Variants in MCMDC2 observed in about 807,000 individuals in gnomAD.
The protein encoded by MCMDC2 is minichromosome maintenance domain-containing protein 2.
A neutral mutation model predicts 75.8 loss-of-function variants in MCMDC2; 54 were observed. That is an observed-to-expected ratio of 0.71 (90% confidence interval 0.57 to 0.89). MCMDC2 has a LOEUF of 0.89. Ranked by LOEUF, MCMDC2 falls within the 40% of genes least tolerant of loss-of-function variation. The pLI is 0.00. For missense variants in MCMDC2, 656 were observed against 780.4 expected, an observed-to-expected ratio of 0.84 and a Z score of 1.90; for synonymous variants, 249 against 274.6, an observed-to-expected ratio of 0.91 and a Z score of 0.92.
chr8:66,873,132 A>C (rs962922943), intron 1 of MCMDC2, among the ~76,000 whole-genome samples: 29 of 152,312 alleles, frequency 1.9e-4, no homozygotes, highest in East Asian at 9.6e-4. Flanking sequence ...AACTACTGAC[A>C]TATATTGTTT....
intron 14 of MCMDC2, among the ~76,000 whole-genome samples, chr8:66,914,295 A>AAG (rs1418008688): frequency 6.6e-6 from 1 of 151,676 alleles, no homozygotes; most frequent in East Asian, 1.9e-4. Flanking sequence ...AAAAAAAAAA[A>AAG]AAAAAAAAAC....
At chr8:66,885,572 C>T (rs570884301) in intron 9 of MCMDC2, among the ~76,000 whole-genome samples, 4 of 151,968 alleles carry the variant, frequency 2.6e-5, no homozygotes, top group African/African-American at 9.7e-5. Flanking sequence ...AACCTTTAGA[C>T]TTTTTAAATG....
At position 66,880,835 on chromosome 8, in the gene MCMDC2, T is replaced by G; in HGVS notation, c.710-14T>G. ...TAGTGAATATGTATTTTCTTCTGTCTTTAATAATTTTAGATGAATCAGTGA... is the reference window on the plus strand; with the variant it reads ...TAGTGAATATGTATTTTCTTCTGTCGTTAATAATTTTAGATGAATCAGTGA... On this transcript the variant is annotated splice_polypyrimidine_tract_variant and intron_variant, in intron 7 of 14. Coordinates refer to ENST00000422365, the MANE Select transcript of MCMDC2 (RefSeq NM_173518.5). 6.6e-7 allele frequency: 1 copy of G among 1,521,034 alleles called. No individual in the cohort carries two copies. Among genetic ancestry groups the G allele is most frequent in the Non-Finnish European group, 8.8e-7 (1 of 1,134,638 alleles). 94.2% of individuals were successfully genotyped at this position (1,521,034 alleles called of 1,614,324 possible).
At chr8:66,895,193 GTGT>G (rs999704972) in intron 10 of MCMDC2, among the ~76,000 whole-genome samples, 2 of 152,148 alleles carry the variant, frequency 1.3e-5, no homozygotes, top group Non-Finnish European at 2.9e-5. Context: ...TTGTTATACT[GTGT>G]TGTTTTTTAT....
chr8:66,914,793 G>A (rs60303565), intron 14 of MCMDC2, among the ~76,000 whole-genome samples: 2,786 of 152,274 alleles, frequency 0.018, 88 homozygotes, highest in African/African-American at 0.062. Flanking sequence ...ACTAGGTAGA[G>A]TCAGTAGAAA....
chr8:66,878,529 A>G (rs1033654632), intron 5 of MCMDC2, 45 bp from the exon 6 acceptor site: 15 of 1,524,652 alleles, frequency 9.8e-6, no homozygotes, highest in Non-Finnish European at 1.2e-5. Flanking sequence ...CAAAATAGAT[A>G]GCTAAATCTG....
rs1491301108 is a variant in MCMDC2 at position 66,921,952 on chromosome 8, CTT to C, written c.*2785_*2786del. The C allele has an allele frequency of 1.3e-5, 2 of 152,688 alleles. No homozygotes were observed. The highest frequency in any genetic ancestry group is 3.8e-4 in the East Asian group (2 of 5,204). The allele number at this position is 152,688 out of a possible 1,614,324, so 9.5% of individuals were successfully genotyped here. On this transcript the variant is annotated 3_prime_UTR_variant, in exon 15 of 15. Transcript: ENST00000422365. ...TTTAGAGTTGATTTAAAAGAAAACA[CTT>C]TATTGTTCAGCAATTAAAAGTTAGC... is the stretch of plus-strand genomic sequence containing the variant.
Position 66,877,530 on chromosome 8 carries a change from G to A in MCMDC2, c.467G>A (p.Cys156Tyr), listed in dbSNP as rs368544508. The A allele has an allele frequency of 2.3e-5, 36 of 1,597,256 alleles. No homozygotes were observed. The highest frequency in any genetic ancestry group is 2.8e-5 in the Non-Finnish European group (33 of 1,175,196). ...GARFLCSDEA[C>Y]PLSKGFQYIR... ...AGATTTCTTTGTTCAGATGAAGCAT[G>A]CCCTCTTTCAAAAGGTAAATGTTAA... Residue 156 changes from cysteine (C) to tyrosine (Y), a missense_variant, in exon 5 of 15, where the codon TGC (cysteine) becomes TAC (tyrosine). By Grantham distance (194) the Cys-to-Tyr change is radical. Transcript: ENST00000422365.
Position 66,919,756 on chromosome 8 carries a change from C to T in MCMDC2, c.*587C>T, listed in dbSNP as rs971891325. On this transcript the variant is annotated 3_prime_UTR_variant, in exon 15 of 15. Coordinates refer to ENST00000422365, the MANE Select transcript of MCMDC2 (RefSeq NM_173518.5). ...GGAAAAGCCTTGGAAGTTTTCCATA[C>T]GTATACGCTAGGTTAAATGAAAAAA... 5 of 152,114 alleles carry T rather than the reference C, an allele frequency of 3.3e-5. No individual in the cohort carries two copies. The highest frequency in any genetic ancestry group is 1.3e-4 in the Admixed American group (2 of 15,266). 9.4% of individuals were successfully genotyped at this position (152,114 alleles called of 1,614,324 possible). A position where few individuals can be genotyped will look rare whatever the true frequency, so the allele number is the denominator to read the frequency against.
Position 66,905,290 on chromosome 8 carries a change from C to T in MCMDC2, c.1834C>T (p.Leu612=). ...GAACAAAGTGCTTAAAGAAGATGTG[C>T]TGATTGCAGCCTTACTATTTGAAAC... ...LRNKVLKEDV[L]IAALLFETSL... The change falls in exon 14 of 15, where the codon CTG becomes TTG. Residue 612 remains leucine, a synonymous_variant. Coordinates refer to ENST00000422365, the MANE Select transcript of MCMDC2 (RefSeq NM_173518.5). 6.7e-7 allele frequency: 1 copy of T among 1,492,818 alleles called. No homozygotes were observed. Among genetic ancestry groups the T allele is most frequent in the Non-Finnish European group, 8.9e-7 (1 of 1,117,332 alleles). 92.5% of individuals were successfully genotyped at this position (1,492,818 alleles called of 1,614,324 possible).
intron 9 of MCMDC2, among the ~76,000 whole-genome samples, chr8:66,885,160 C>T (rs1487019882): frequency 2.0e-5 from 3 of 151,620 alleles, no homozygotes; most frequent in Non-Finnish European, 4.4e-5. Context: ...CGTGAAACCC[C>T]GTCTCTACTA....
chr8:66,882,368 CT>C (rs1181989691), intron 8 of MCMDC2, among the ~76,000 whole-genome samples: 1 of 151,022 alleles, frequency 6.6e-6, no homozygotes, highest in Non-Finnish European at 1.5e-5. Context: ...CTTTTTTTTT[CT>C]TTTTTTGTTT....
chr8:66,891,128 T>TAAGTATCTCAACATG, intron 10 of MCMDC2, 58 bp downstream of exon 10: 4 of 1,375,292 alleles, frequency 2.9e-6, no homozygotes, highest in Non-Finnish European at 4.0e-6. Context: ...TCATCCATGT[T>TAAGTATCTCAACATG]GAGATACTTA....
chr8:66,902,739 T>TATATAC (rs1461976245), intron 13 of MCMDC2, among the ~76,000 whole-genome samples: 1 of 137,672 alleles, frequency 7.3e-6, no homozygotes, highest in Admixed American at 7.4e-5. Context: ...TATATATATA[T>TATATAC]ATACATATAT....
intron 1 of MCMDC2, among the ~76,000 whole-genome samples, chr8:66,872,427 C>T (rs1203093861): frequency 6.6e-6 from 1 of 152,132 alleles, no homozygotes; most frequent in African/African-American, 2.4e-5. Flanking sequence ...AATGTTATGA[C>T]CCATATACAA....
intron 13 of MCMDC2, 93 bp downstream of exon 13, chr8:66,901,441 T>G: frequency 5.3e-6 from 8 of 1,499,564 alleles, no homozygotes; most frequent in Non-Finnish European, 7.1e-6. Flanking sequence ...CTTGTTTCTC[T>G]GCTTGATTGC....
chr8:66,921,395 G>A lies in MCMDC2; in HGVS notation c.*2226G>A, dbSNP rs1233920703. The A allele has an allele frequency of 1.3e-5, 2 of 152,182 alleles. No homozygotes were observed. Among genetic ancestry groups the A allele is most frequent in the Non-Finnish European group, 2.9e-5 (2 of 68,042 alleles). 9.4% of individuals were successfully genotyped at this position (152,182 alleles called of 1,614,324 possible). Reference sequence around the variant, plus strand: ...ACCCCCCAAATCTATACTGAGGGAAGTGACTAAGATGTTGCTATACAGGTT... The same window carrying A: ...ACCCCCCAAATCTATACTGAGGGAAATGACTAAGATGTTGCTATACAGGTT... On this transcript the variant is annotated 3_prime_UTR_variant, in exon 15 of 15. Transcript: ENST00000422365.
At chr8:66,895,774 ATC>A (rs759650619) in intron 10 of MCMDC2, among the ~76,000 whole-genome samples, 4 of 152,150 alleles carry the variant, frequency 2.6e-5, no homozygotes, top group Non-Finnish European at 5.9e-5. Context: ...AGTTCATATT[ATC>A]TCTGTCTTTT....
intron 14 of MCMDC2, among the ~76,000 whole-genome samples, chr8:66,909,960 C>T (rs190280087): frequency 2.6e-5 from 4 of 152,298 alleles, no homozygotes; most frequent in South Asian, 2.1e-4. Flanking sequence ...TGTGAAGTAT[C>T]GGGACTTGGT....
Sources: allele counts gnomAD v4.1 joint callset (sites outside exome capture counted in the v4.1 genomes callset), GRCh38; gene constraint gnomAD v4.1.1; transcripts MANE v1.5; gene names NCBI Gene and HGNC (gene_info 2026-07-23, HGNC 2026-07-21).